FLNB: variants seen among roughly 807,000 people sequenced by gnomAD.
The protein encoded by FLNB is filamin-B.
Under a neutral mutation model 250.6 loss-of-function variants are expected in FLNB, and 111 were observed. The ratio of observed to expected loss-of-function variants is 0.44; its 90% confidence interval spans 0.38 to 0.52. The LOEUF (loss-of-function observed/expected upper bound fraction) is 0.52, where lower values mean the gene tolerates loss of function less well. FLNB is among the 20% of genes least tolerant of loss of function. The pLI is 0.00. For missense variants in FLNB, 2,869 were observed against 3,447.8 expected (o/e 0.83, Z 4.20); for synonymous variants, 1,302 against 1,372.1 (o/e 0.95, Z 1.13).
At position 58,101,075 on chromosome 3, in the gene FLNB, C is replaced by T. The variant is rs182693946; in HGVS notation, c.1346-1128C>T. On this transcript the variant is annotated intron_variant, in intron 8 of 45. Coordinates refer to ENST00000295956, the MANE Select transcript of FLNB (RefSeq NM_001457.4). The stretch of plus-strand genomic sequence containing the variant: ...CTTTCACAATGGAAAACCAAAGTCA[C>T]TTGCCATAAAGTGCCACCGTAAGCT... 2.0e-4 allele frequency among the ~76,000 whole-genome samples: 31 copies of T among 152,312 alleles called. No individual in the cohort carries two copies. The East Asian group carries it at 4.4e-3, about 22-fold the overall frequency.
chr3:58,012,304 G>A (rs1645076909), intron 1 of FLNB, among the ~76,000 whole-genome samples: 1 of 151,508 alleles, frequency 6.6e-6, no homozygotes, highest in Admixed American at 6.6e-5. Flanking sequence ...GTTTGTTTCT[G>A]TTTGGTTGAT....
chr3:58,105,392 C>G (rs1454890485), intron 11 of FLNB, among the ~76,000 whole-genome samples, 176 bp downstream of exon 11: 1 of 152,152 alleles, frequency 6.6e-6, no homozygotes, highest in African/African-American at 2.4e-5. Context: ...GCCTCTGATA[C>G]CAGCATTGAT....
At chr3:58,025,505 C>T (rs544285764) in intron 1 of FLNB, among the ~76,000 whole-genome samples, 7 of 152,266 alleles carry the variant, frequency 4.6e-5, no homozygotes, top group Admixed American at 2.0e-4. Context: ...CTCCCAGCAG[C>T]GGCAGTAAGG....
Position 58,051,850 on chromosome 3 carries a change from G to C in FLNB, c.293-25196G>C, listed in dbSNP as rs116521170. Among the ~76,000 whole-genome samples the C allele has an allele frequency of 4.8e-3, 726 of 152,232 alleles. 4 individuals carry two copies. The highest frequency in any genetic ancestry group is 0.017 in the African/African-American group (694 of 41,518). ...CAGAGCAACCCTGACCTGTTGGAGA[G>C]TTGGGCTGGATGGATGCGGTCAGGG... On this transcript the variant is annotated intron_variant, in intron 1 of 45. Coordinates refer to ENST00000295956, the MANE Select transcript of FLNB (RefSeq NM_001457.4).
chr3:58,146,740 T>G, intron 33 of FLNB, 80 bp from the exon 34 acceptor site: 1 of 1,476,730 alleles, frequency 6.8e-7, no homozygotes, highest in Non-Finnish European at 9.4e-7. Context: ...AGGGCTGCCC[T>G]GGATGAGTTG....
intron 20 of FLNB, 32 bp from the exon 21 acceptor site, chr3:58,123,061 G>A (rs2107174485): frequency 1.3e-6 from 2 of 1,582,946 alleles, no homozygotes; most frequent in East Asian, 4.5e-5. Flanking sequence ...AGCGATCCCA[G>A]TGCAGTTTGA....
chr3:58,125,799 CCT>C, intron 23 of FLNB, 56 bp downstream of exon 23: 2 of 1,525,956 alleles, frequency 1.3e-6, no homozygotes, highest in Non-Finnish European at 1.8e-6. Flanking sequence ...CTAGATTCTA[CCT>C]ATGTGTCATG....
At chr3:58,150,740 T>G (rs2097343464) in intron 38 of FLNB, 1 of 189,324 alleles carries the variant, frequency 5.3e-6, no homozygotes, top group African/African-American at 2.4e-5. Flanking sequence ...GGTCACACAG[T>G]CTGTCTGAAA....
chr3:58,055,295 T>G (rs2097168723), intron 1 of FLNB, among the ~76,000 whole-genome samples: 1 of 151,798 alleles, frequency 6.6e-6, no homozygotes, highest in African/African-American at 2.4e-5. Context: ...TCTTTGGCCC[T>G]TTATGGAAAG....
intron 16 of FLNB, 79 bp downstream of exon 16, chr3:58,110,249 C>T: frequency 7.0e-7 from 1 of 1,423,966 alleles, no homozygotes; most frequent in South Asian, 1.2e-5. Flanking sequence ...GTCTCATCTA[C>T]TTTTTGGTGT....
chr3:58,119,679 G>C (rs2097285125), intron 19 of FLNB, among the ~76,000 whole-genome samples: 1 of 152,058 alleles, frequency 6.6e-6, no homozygotes, highest in Non-Finnish European at 1.5e-5. Context: ...TTTTATACAA[G>C]TAAAAATATA....
intron 1 of FLNB, among the ~76,000 whole-genome samples, chr3:58,070,049 CT>C (rs10639474): frequency 0.026 from 3,495 of 134,954 alleles, 152 homozygotes; most frequent in African/African-American, 0.087. Context: ...CTCTTTCTTT[CT>C]TTTTTTTTTT....
chr3:58,143,701 G>A lies in FLNB; in HGVS notation c.5425+88G>A, dbSNP rs892255969. 4.0e-6 allele frequency: 6 copies of A among 1,504,800 alleles called. No homozygotes were observed. The African/African-American group carries it at 6.9e-5, about 17-fold the overall frequency. 93.2% of individuals were successfully genotyped at this position (1,504,800 alleles called of 1,614,324 possible). On this transcript the variant is annotated intron_variant, in intron 32 of 45. Coordinates refer to ENST00000295956, the MANE Select transcript of FLNB (RefSeq NM_001457.4). ...ACACTCCTCAGCCGCTTTGCAGGGAGCAGCTCTCGGCAGCAGGCTGGAGAA... is the reference window on the plus strand; with the variant it reads ...ACACTCCTCAGCCGCTTTGCAGGGAACAGCTCTCGGCAGCAGGCTGGAGAA...
Position 58,153,412 on chromosome 3 carries a change from C to T in FLNB, c.6405C>T (p.Ser2135=), listed in dbSNP as rs62259295. The T allele has an allele frequency of 1.9e-6, 3 of 1,614,262 alleles. No individual in the cohort carries two copies. Among genetic ancestry groups the T allele is most frequent in the Non-Finnish European group, 2.5e-6 (3 of 1,180,046 alleles). The change falls in exon 39 of 46, where the codon AGC becomes AGT. Residue 2135 remains serine (S), a synonymous_variant. Transcript: ENST00000295956. ...GTGATATGTCGGCCCACGTCACCAG[C>T]CCCTCTGGCCGTGTGACTGAGGCAG... is the stretch of plus-strand genomic sequence containing the variant. The part of the protein sequence containing the change: ...NSSDMSAHVT[S]PSGRVTEAEI...
chr3:58,080,494 A>G (rs1218116271), intron 3 of FLNB, among the ~76,000 whole-genome samples: 1 of 129,614 alleles, frequency 7.7e-6, no homozygotes, highest in Non-Finnish European at 1.7e-5. Context: ...CCCATTCCCT[A>G]TTTTTTTTTT....
rs145233541 is a variant in FLNB, at chr3:58,153,620, A to G, written c.6613A>G (p.Arg2205Gly). Residue 2205 changes from arginine to glycine, a missense_variant, in exon 39 of 46, where the codon AGA becomes GGA. Coordinates refer to ENST00000295956, the MANE Select transcript of FLNB (RefSeq NM_001457.4). ...KVRAGGPGLE[R>G]GEAGVPAEFS... ...GCGGGCAGGAGGCCCTGGCCTGGAG[A>G]GAGGAGAAGCGGGAGTCCCAGGTGA... 2.2e-5 allele frequency: 35 copies of G among 1,613,968 alleles called. No individual in the cohort carries two copies. Among genetic ancestry groups the G allele is most frequent in the Non-Finnish European group, 2.6e-5 (31 of 1,180,028 alleles).
intron 24 of FLNB, among the ~76,000 whole-genome samples, chr3:58,128,950 T>C (rs1265287700): frequency 6.6e-6 from 1 of 152,194 alleles, no homozygotes; most frequent in East Asian, 1.9e-4. Flanking sequence ...ACCCCAGAAC[T>C]TTCCCAGGCA....
At chr3:58,149,801 T>G (rs1238571622) in intron 36 of FLNB, 49 bp from the exon 37 acceptor site, 1 of 1,612,744 alleles carries the variant, frequency 6.2e-7, no homozygotes, top group East Asian at 2.2e-5. Context: ...TCAGGCTCCC[T>G]CTTCCTGAGG....
Position 58,126,512 on chromosome 3 carries a change from T to A in FLNB, c.4062-90T>A, listed in dbSNP as rs959919382. On this transcript the variant is annotated intron_variant, in intron 23 of 45. Coordinates refer to ENST00000295956, the MANE Select transcript of FLNB (RefSeq NM_001457.4). ...GAGTTGGGGTGGCTACGTGGAATAG[T>A]TTATAAAGGGAATTTGCATGAATTT... 1.2e-5 allele frequency: 16 copies of A among 1,300,106 alleles called. No homozygotes were observed. In the African/African-American group the frequency reaches 1.8e-4, roughly 14 times the overall value. The allele number at this position is 1,300,106 out of a possible 1,614,324, so 80.5% of individuals were successfully genotyped here. A position where few individuals can be genotyped will look rare whatever the true frequency, so the allele number is the denominator to read the frequency against.
Sources: allele counts gnomAD v4.1 joint callset (sites outside exome capture counted in the v4.1 genomes callset), GRCh38; gene constraint gnomAD v4.1.1; transcripts MANE v1.5; gene names NCBI Gene and HGNC (gene_info 2026-07-23, HGNC 2026-07-21).